Variants in OC90 observed in about 807,000 individuals in gnomAD.
OC90 encodes the protein otoconin-90.
In OC90, 46 loss-of-function variants were observed where a neutral mutation model predicts 47.3. The ratio of observed to expected loss-of-function variants is 0.97; its 90% confidence interval spans 0.77 to 1.24. The LOEUF is 1.24. Ranked by LOEUF, OC90 falls within the 50% of genes most tolerant of loss-of-function variation. The probability of loss-of-function intolerance (pLI) is 0.00; values close to 1 mark genes in which losing one functional copy is unlikely to be tolerated. For synonymous variants in OC90, 271 were observed against 219.5 expected (o/e 1.23, Z -2.07); for missense variants, 688 against 583.9 (o/e 1.18, Z -1.84).
chr8:132,030,679 C>T (rs572963364), intron 12 of OC90, among the ~76,000 whole-genome samples: 3 of 152,304 alleles, frequency 2.0e-5, no homozygotes, highest in East Asian at 3.9e-4. Context: ...TGTGACATCA[C>T]CTTTGCTAGA....
rs776330059 is a variant in OC90 at position 132,024,666 on chromosome 8, C to G, written c.1249G>C (p.Gly417Arg). The G allele has an allele frequency of 1.2e-6, 2 of 1,613,290 alleles. No individual in the cohort carries two copies. The highest frequency in any genetic ancestry group is 1.7e-5 in the Admixed American group (1 of 59,956). Reference protein sequence around the residue: ...NQSLKSPSRLGCPGQPAACED... With the variant: ...NQSLKSPSRLRCPGQPAACED... Reference sequence around the variant, plus strand: ...CAGGCTGCTGGCTGCCCAGGGCACCCGAGTCTGCTTGGGGACTTGAGGCTT... The same window carrying G: ...CAGGCTGCTGGCTGCCCAGGGCACCGGAGTCTGCTTGGGGACTTGAGGCTT... Residue 417 changes from glycine to arginine, a missense_variant, in exon 14 of 14, where the codon GGG becomes CGG. Physicochemically the swap from Gly to Arg is moderately radical, Grantham distance 125 (BLOSUM62 -2). Transcript: ENST00000254627.
Position 132,044,423 on chromosome 8 carries a change from C to T in OC90, c.169+10G>A. On this transcript the variant is annotated intron_variant, in intron 4 of 13. Coordinates refer to ENST00000254627, the MANE Select transcript of OC90 (RefSeq NM_001080399.3). ...TCTGGTGGATAAAAGCAATTTTAGA[C>T]TTAACTTACCAAAAATTTCAGCCAC... is the stretch of plus-strand genomic sequence containing the variant. 1 of 1,499,324 alleles carries T rather than the reference C, an allele frequency of 6.7e-7. No individual in the cohort carries two copies. The highest frequency in any genetic ancestry group is 9.1e-7 in the Non-Finnish European group (1 of 1,094,448). The allele number at this position is 1,499,324 out of a possible 1,614,324, so 92.9% of individuals were successfully genotyped here. A position where few individuals can be genotyped will look rare whatever the true frequency, so the allele number is the denominator to read the frequency against.
At chr8:132,038,479 A>C (rs922405251) in intron 8 of OC90, among the ~76,000 whole-genome samples, 1 of 152,202 alleles carries the variant, frequency 6.6e-6, no homozygotes, top group South Asian at 2.1e-4. Flanking sequence ...GTCACACTAC[A>C]TACCAGGGCT....
At position 132,024,500 on chromosome 8, in the gene OC90, C is replaced by A. The variant is rs369677384; in HGVS notation, c.1415G>T (p.Gly472Val). 43 of 1,563,636 alleles carry A rather than the reference C, an allele frequency of 2.8e-5. No homozygotes were observed. In the South Asian group the frequency reaches 5.0e-4, roughly 18 times the overall value. Residue 472 changes from glycine (G) to valine (V), a missense_variant, in exon 14 of 14, where the codon GGG (glycine) becomes GTG (valine). By Grantham distance (109) the Gly-to-Val change is moderately radical. Transcript: ENST00000254627. ...LRKSLGPLGI[G>V]PLHGR is the part of the protein sequence containing the mutation. ...GGGCATCTATCTTCCATGAAGAGGCCCGATCCCCAAGGGACCCAGTGACTT... is the reference window on the plus strand; with the variant it reads ...GGGCATCTATCTTCCATGAAGAGGCACGATCCCCAAGGGACCCAGTGACTT...
chr8:132,037,158 C>T lies in OC90; in HGVS notation c.679+280G>A, dbSNP rs117461882. On this transcript the variant is annotated intron_variant, in intron 9 of 13. Transcript: ENST00000254627. ...CAGAGCTGAGCAACTGTGACAGAGA[C>T]CCTGTGGCTCACAAAGCCTAAAATA... 1.3e-4 allele frequency among the ~76,000 whole-genome samples: 20 copies of T among 152,316 alleles called. No individual in the cohort carries two copies. The East Asian group carries it at 3.9e-3, about 29-fold the overall frequency.
chr8:132,057,197 A>C (rs1415772937), intron 1 of OC90, among the ~76,000 whole-genome samples: 1 of 152,236 alleles, frequency 6.6e-6, no homozygotes, highest in Non-Finnish European at 1.5e-5. Context: ...AATAAGTAGT[A>C]GCTGCTACAA....
At chr8:132,029,024 T>C (rs748728763) in intron 13 of OC90, 49 bp downstream of exon 13, 1 of 1,288,946 alleles carries the variant, frequency 7.8e-7, no homozygotes, top group South Asian at 1.2e-5. Context: ...ACAGTCACGA[T>C]GCTGACCTCA....
At chr8:132,039,600 C>T (rs1823023978) in intron 6 of OC90, among the ~76,000 whole-genome samples, 1 of 152,160 alleles carries the variant, frequency 6.6e-6, no homozygotes, top group Non-Finnish European at 1.5e-5. Flanking sequence ...TCACTGTCAC[C>T]TAGGAAACGT....
rs1322526864 is a variant in OC90, at chr8:132,028,825, GAA to G, written c.1138+246_1138+247del. ...AAAGAAAGAAAGAAAGAAAGAAAAAGAAAGAAAGAAAGAAAAGGAAAGAAGGA... is the reference window on the plus strand; with the variant it reads ...AAAGAAAGAAAGAAAGAAAGAAAAAGAGAAAGAAAGAAAAGGAAAGAAGGA... On this transcript the variant is annotated intron_variant, in intron 13 of 13. Coordinates refer to ENST00000254627, the MANE Select transcript of OC90 (RefSeq NM_001080399.3). Among the ~76,000 whole-genome samples the G allele has an allele frequency of 7.1e-3, 904 of 126,842 alleles. 16 individuals carry two copies. Among genetic ancestry groups the G allele is most frequent in the African/African-American group, 0.026 (862 of 33,624 alleles). 83.2% of individuals were successfully genotyped at this position (126,842 alleles called of 152,430 possible).
chr8:132,033,077 G>A lies in OC90; in HGVS notation c.821C>T (p.Ser274Leu). The A allele has an allele frequency of 6.2e-7, 1 of 1,610,342 alleles. No individual in the cohort carries two copies. The highest frequency in any genetic ancestry group is 8.5e-7 in the Non-Finnish European group (1 of 1,178,436). ...AGIKSLGLAV[S>L]SVENDPEETT... The stretch of plus-strand genomic sequence containing the variant: ...CTCCTCAGGATCATTTTCAACAGAT[G>A]ACACTGCCAGCCCCAGAGATTTAAT... Residue 274 changes from serine (S) to leucine (L), a missense_variant, in exon 11 of 14, where the codon TCA (serine) becomes TTA (leucine). Transcript: ENST00000254627.
At chr8:132,041,461 G>T (rs1586711828) in intron 5 of OC90, 64 bp downstream of exon 5, 14 of 1,436,776 alleles carry the variant, frequency 9.7e-6, no homozygotes, top group Non-Finnish European at 1.3e-5. Flanking sequence ...TCTTGCCAAG[G>T]TATCAGCCAG....
intron 1 of OC90, among the ~76,000 whole-genome samples, chr8:132,055,525 C>T (rs1823270093): frequency 6.6e-6 from 1 of 152,140 alleles, no homozygotes; most frequent in South Asian, 2.1e-4. Flanking sequence ...TTAAATAGCC[C>T]GTACTTTATG....
chr8:132,031,753 T>C (rs1160719429), intron 12 of OC90, 128 bp downstream of exon 12: 33 of 715,440 alleles, frequency 4.6e-5, no homozygotes, highest in Non-Finnish European at 1.8e-5. Context: ...CTGAGTGAGC[T>C]GCTGTGTGCA....
intron 13 of OC90, among the ~76,000 whole-genome samples, chr8:132,027,650 C>A (rs1301451419): frequency 6.6e-6 from 1 of 152,194 alleles, no homozygotes; most frequent in African/African-American, 2.4e-5. Flanking sequence ...CAGCAAGTCT[C>A]CATTTGCTAT....
rs546831495 is a variant in OC90, at chr8:132,029,271, G to C, written c.1032-92C>G. The C allele has an allele frequency of 6.2e-6, 6 of 965,568 alleles. No homozygotes were observed. The East Asian group carries it at 7.3e-5, about 12-fold the overall frequency. The allele number at this position is 965,568 out of a possible 1,614,324, so 59.8% of individuals were successfully genotyped here. Reference sequence around the variant, plus strand: ...GCCTGCTTCTCCCACATACCCTATAGTAGTGAGGGAAGCCAGTGCCTCCTT... The same window carrying C: ...GCCTGCTTCTCCCACATACCCTATACTAGTGAGGGAAGCCAGTGCCTCCTT... On this transcript the variant is annotated intron_variant, in intron 12 of 13. Transcript: ENST00000254627.
At chr8:132,025,558 G>C (rs763739751) in intron 13 of OC90, among the ~76,000 whole-genome samples, 7 of 152,118 alleles carry the variant, frequency 4.6e-5, no homozygotes, top group Non-Finnish European at 7.3e-5. Context: ...TGCATGCAGT[G>C]ATTAGCTAAC....
rs77354341 is a variant in OC90, at chr8:132,038,639, C to T, written c.628+151G>A. The T allele has an allele frequency of 1.8e-4, 119 of 678,870 alleles. No individual in the cohort carries two copies. The African/African-American group carries it at 2.0e-3, about 11-fold the overall frequency. 42.1% of individuals were successfully genotyped at this position (678,870 alleles called of 1,614,324 possible). A position where few individuals can be genotyped will look rare whatever the true frequency, so the allele number is the denominator to read the frequency against. On this transcript the variant is annotated intron_variant, in intron 8 of 13. Transcript: ENST00000254627. ...TGAATTGGGTTTATCAGAAGTAACA[C>T]ATCTCCTAGCCAGAGAAGGCAGGAC... is the stretch of plus-strand genomic sequence containing the variant.
intron 8 of OC90, 36 bp from the exon 9 acceptor site, chr8:132,037,524 G>A: frequency 6.5e-7 from 1 of 1,543,978 alleles, no homozygotes. Flanking sequence ...AGTGACTCAT[G>A]CAACACAGTG....
At chr8:132,055,916 G>A (rs985508254) in intron 1 of OC90, among the ~76,000 whole-genome samples, 1 of 152,162 alleles carries the variant, frequency 6.6e-6, no homozygotes, top group African/African-American at 2.4e-5. Context: ...GGTGGGAGGC[G>A]CAGGGAAAAG....
Sources: allele counts gnomAD v4.1 joint callset (sites outside exome capture counted in the v4.1 genomes callset), GRCh38; gene constraint gnomAD v4.1.1; transcripts MANE v1.5; gene names NCBI Gene and HGNC (gene_info 2026-07-23, HGNC 2026-07-21).